Variants in CLSPN observed in about 807,000 individuals in gnomAD.
The protein encoded by CLSPN is claspin, also known as claspin homolog.
CLSPN carries 85 observed loss-of-function variants against 156.3 expected under a neutral mutation model. The observed-to-expected ratio is 0.54, with a 90% CI of 0.46 to 0.65. The LOEUF (loss-of-function observed/expected upper bound fraction) is 0.65, where lower values mean the gene tolerates loss of function less well. CLSPN is among the 30% of genes least tolerant of loss of function. The pLI is 0.00. For synonymous variants in CLSPN, 534 were observed against 542.4 expected, an observed-to-expected ratio of 0.98 and a Z score of 0.22; for missense variants, 1,407 against 1,554.9, an observed-to-expected ratio of 0.90 and a Z score of 1.60.
chr1:35,753,977 C>T, intron 8 of CLSPN, 41 bp from the exon 9 acceptor site: 3 of 1,587,206 alleles, frequency 1.9e-6, no homozygotes, highest in Non-Finnish European at 2.6e-6. Context: ...TTGCCATGCT[C>T]AAAACTCTTT....
intron 14 of CLSPN, among the ~76,000 whole-genome samples, chr1:35,747,608 T>A (rs1035561832): frequency 2.0e-5 from 3 of 152,206 alleles, no homozygotes; most frequent in African/African-American, 4.8e-5. Flanking sequence ...TTCTCAACCT[T>A]ACCCAACAAT....
chr1:35,737,392 T>C lies in CLSPN; in HGVS notation c.3694A>G (p.Lys1232Glu), dbSNP rs1223439761. 1 of 1,614,056 alleles carries C rather than the reference T, an allele frequency of 6.2e-7. No individual in the cohort carries two copies. Among genetic ancestry groups the C allele is most frequent in the East Asian group, 2.2e-5 (1 of 44,884 alleles). The change falls in exon 23 of 25, where the codon AAG (lysine) becomes GAG (glutamate). Residue 1232 changes from lysine (K) to glutamate (E), a missense_variant. Lys to Glu is a moderately conservative substitution (Grantham distance 56, BLOSUM62 1). This residue lies in a region of CLSPN where 241 missense variants were observed against 240.5 expected (regional missense o/e 1.00). Transcript: ENST00000318121. ...TCAAAAGGATTTCTGAGCAAAGACT[T>C]TGATTCCTGAATAACCATAGGGCGA... ...ASRPMVIQES[K>E]SLLRNPFEAI... is the part of the protein sequence containing the mutation.
At chr1:35,743,044 C>A in intron 18 of CLSPN, 97 bp downstream of exon 18, 1 of 897,618 alleles carries the variant, frequency 1.1e-6, no homozygotes, top group Non-Finnish European at 1.8e-6. Context: ...GCTTCAGCCT[C>A]CCAAAATGAT....
Position 35,745,519 on chromosome 1 carries a change from C to A in CLSPN, c.2898G>T (p.Lys966Asn). The A allele has an allele frequency of 6.2e-7, 1 of 1,614,090 alleles. No individual in the cohort carries two copies. Among genetic ancestry groups the A allele is most frequent in the Non-Finnish European group, 8.5e-7 (1 of 1,179,952 alleles). The change falls in exon 16 of 25, where the codon AAG becomes AAT. Residue 966 changes from lysine (K) to asparagine (N), a missense_variant. Lys to Asn is a moderately conservative substitution (Grantham distance 94). Coordinates refer to ENST00000318121, the MANE Select transcript of CLSPN (RefSeq NM_022111.4). ...PASSELNKQE[K>N]ESSMGDPMEE... ...CCATTGGATCACCCATGCTGCTCTC[C>A]TTCTCCTGTTTATTTAACTCTGATG...
At chr1:35,755,202 G>A (rs1039624866) in intron 8 of CLSPN, among the ~76,000 whole-genome samples, 4 of 151,842 alleles carry the variant, frequency 2.6e-5, no homozygotes, top group Non-Finnish European at 5.9e-5. Flanking sequence ...GCTTAGAGGT[G>A]ATCCTCTCAC....
intron 5 of CLSPN, 136 bp from the exon 6 acceptor site, chr1:35,762,206 T>G: frequency 1.2e-6 from 1 of 802,726 alleles, no homozygotes; most frequent in Non-Finnish European, 2.0e-6. Context: ...AAATGCAGTA[T>G]AAACTCAAGG....
downstream of CLSPN, among the ~76,000 whole-genome samples, chr1:35,727,154 A>C (rs979139929): frequency 4.6e-5 from 7 of 152,242 alleles, no homozygotes; most frequent in Non-Finnish European, 7.3e-5. Context: ...TGGATTTCCC[A>C]GGAAGCCAAC....
rs749100659 is a variant in CLSPN at position 35,739,138 on chromosome 1, A to T, written c.3428T>A (p.Ile1143Lys). The change falls in exon 20 of 25, where the codon ATA becomes AAA. Residue 1143 changes from isoleucine to lysine, a missense_variant and splice_region_variant. Coordinates refer to ENST00000318121, the MANE Select transcript of CLSPN (RefSeq NM_022111.4). ...TTTAAAGACAACAACCAAGATACCT[A>T]TGTTTTTCCATCGAAACTTCCTCAT... ...GRMRKFRWKN[I>K]DDASQMDLFH... is the part of the protein sequence containing the mutation. 2.5e-6 allele frequency: 4 copies of T among 1,614,020 alleles called. No homozygotes were observed. The highest frequency in any genetic ancestry group is 1.7e-5 in the Admixed American group (1 of 59,998).
chr1:35,758,576 C>T (rs1301861563), intron 8 of CLSPN, among the ~76,000 whole-genome samples: 3 of 151,576 alleles, frequency 2.0e-5, no homozygotes, highest in Non-Finnish European at 2.9e-5. Context: ...ACCCAGGAGG[C>T]GGAGGTTGCA....
chr1:35,726,152 C>CAAAAA (rs3041363), intron 24 of CLSPN, among the ~76,000 whole-genome samples: 667 of 48,164 alleles, frequency 0.014, 125 homozygotes, highest in African/African-American at 0.048. Context: ...CAGATGCAGA[C>CAAAAA]AAAAAAAAAA....
At chr1:35,752,654 G>A (rs1038205493) in intron 9 of CLSPN, among the ~76,000 whole-genome samples, 1 of 151,070 alleles carries the variant, frequency 6.6e-6, no homozygotes, top group Non-Finnish European at 1.5e-5. Context: ...TAGGTGGTCT[G>A]GATTAGACTA....
intron 4 of CLSPN, among the ~76,000 whole-genome samples, chr1:35,762,939 G>T (rs1211157529): frequency 2.0e-5 from 3 of 149,758 alleles, no homozygotes; most frequent in African/African-American, 4.9e-5. Context: ...TTTTTTTTCA[G>T]CATTCCTAAA....
At chr1:35,738,800 CTTTTT>C (rs66781105) in intron 20 of CLSPN, among the ~76,000 whole-genome samples, 1 of 96,370 alleles carries the variant, frequency 1.0e-5, no homozygotes, top group Non-Finnish European at 2.3e-5. Flanking sequence ...TAACTGTTTG[CTTTTT>C]TTTTTTTTTT....
At chr1:35,767,032 C>G (rs1036451700) in intron 1 of CLSPN, among the ~76,000 whole-genome samples, 1 of 152,128 alleles carries the variant, frequency 6.6e-6, no homozygotes, top group Non-Finnish European at 1.5e-5. Context: ...CAAGCGTAAG[C>G]CACCACAACC....
At position 35,735,976 on chromosome 1, in the gene CLSPN, G is replaced by A. The variant is rs1040805764; in HGVS notation, c.*520C>T. ...GACTCATGCATGTGACCAGCACTTT[G>A]TGGGGCCGAGGTGGATGGATCATTT... On this transcript the variant is annotated 3_prime_UTR_variant, in exon 25 of 25. Transcript: ENST00000318121. 2.1e-6 allele frequency: 2 copies of A among 972,292 alleles called. No individual in the cohort carries two copies. The highest frequency in any genetic ancestry group is 1.8e-5 in the African/African-American group (1 of 56,908). The allele number at this position is 972,292 out of a possible 1,614,324, so 60.2% of individuals were successfully genotyped here. A position where few individuals can be genotyped will look rare whatever the true frequency, so the allele number is the denominator to read the frequency against.
intron 24 of CLSPN, among the ~76,000 whole-genome samples, chr1:35,723,655 A>T (rs1208527620): frequency 6.6e-6 from 1 of 152,188 alleles, no homozygotes; most frequent in East Asian, 1.9e-4. Flanking sequence ...TTCAGAGCAG[A>T]ATCAGAACTG....
chr1:35,721,044 T>C (rs1641062738), intron 24 of CLSPN: 4 of 1,137,884 alleles, frequency 3.5e-6, no homozygotes, highest in Non-Finnish European at 1.3e-6. Context: ...GTTCTGATAA[T>C]GTTGCAGACC....
chr1:35,758,173 GT>G (rs781405427), intron 8 of CLSPN, among the ~76,000 whole-genome samples: 2,406 of 140,458 alleles, frequency 0.017, 30 homozygotes, highest in African/African-American at 0.04. Flanking sequence ...ATTTTTTTGT[GT>G]TTTTTTTTTT....
At chr1:35,749,054 T>C (rs1641994591) in intron 12 of CLSPN, among the ~76,000 whole-genome samples, 1 of 152,096 alleles carries the variant, frequency 6.6e-6, no homozygotes, top group Non-Finnish European at 1.5e-5. Flanking sequence ...CTCGATCTCC[T>C]GACCTCATGA....
Sources: allele counts gnomAD v4.1 joint callset (sites outside exome capture counted in the v4.1 genomes callset), GRCh38; gene constraint gnomAD v4.1.1; regional missense constraint gnomAD v4.1.1; transcripts MANE v1.5; gene names NCBI Gene and HGNC (gene_info 2026-07-23, HGNC 2026-07-21).